ACMSD: variants seen among roughly 807,000 people sequenced by gnomAD.
ACMSD encodes aminocarboxymuconate semialdehyde decarboxylase, also known as 2-amino-3-carboxymuconate-6-semialdehyde decarboxylase.
A neutral mutation model predicts 45.9 loss-of-function variants in ACMSD; 37 were observed. The observed-to-expected ratio is 0.81, with a 90% CI of 0.62 to 1.06. ACMSD has a LOEUF of 1.06. Ranked by LOEUF, ACMSD falls within the 50% of genes least tolerant of loss-of-function variation. The pLI is 0.00. For synonymous variants in ACMSD, 138 were observed against 148.8 expected, an observed-to-expected ratio of 0.93 and a Z score of 0.53; for missense variants, 434 against 420.9, an observed-to-expected ratio of 1.03 and a Z score of -0.27.
intron 8 of ACMSD, among the ~76,000 whole-genome samples, chr2:134,897,923 TTA>T (rs1333129426): frequency 6.6e-6 from 1 of 151,216 alleles, no homozygotes; most frequent in East Asian, 1.9e-4. Flanking sequence ...TATTTGTTTT[TTA>T]TGTTTCCTTT....
At position 134,895,868 on chromosome 2, in the gene ACMSD, G is replaced by C. The variant is rs927559079; in HGVS notation, c.850-2473G>C. Among the ~76,000 whole-genome samples the C allele has an allele frequency of 2.6e-5, 4 of 152,056 alleles. No homozygotes were observed. In the East Asian group the frequency reaches 5.8e-4, roughly 22 times the overall value. On this transcript the variant is annotated intron_variant, in intron 8 of 9. Coordinates refer to ENST00000356140, the MANE Select transcript of ACMSD (RefSeq NM_138326.3). Reference sequence around the variant, plus strand: ...AAGAGTGAAACTCCGTCTCAAAAAAGAAAATGCAAGGGATCCAGAATAGCC... The same window carrying C: ...AAGAGTGAAACTCCGTCTCAAAAAACAAAATGCAAGGGATCCAGAATAGCC...
At chr2:134,880,576 T>C (rs909704935) in intron 8 of ACMSD, among the ~76,000 whole-genome samples, 1 of 152,294 alleles carries the variant, frequency 6.6e-6, no homozygotes, top group African/African-American at 2.4e-5. Context: ...CAAAAGCTTA[T>C]TATTTTTCTT....
intron 8 of ACMSD, among the ~76,000 whole-genome samples, chr2:134,894,482 C>A (rs1006150005): frequency 1.4e-4 from 21 of 151,986 alleles, no homozygotes; most frequent in East Asian, 5.8e-4. Context: ...TCAATCTTCC[C>A]ACAAAGAAAA....
chr2:134,859,362 G>C lies in ACMSD; in HGVS notation c.199+5G>C. 3 of 1,612,838 alleles carry C rather than the reference G, an allele frequency of 1.9e-6. No individual in the cohort carries two copies. Among genetic ancestry groups the C allele is most frequent in the Non-Finnish European group, 2.5e-6 (3 of 1,178,954 alleles). ...TTAGAGAAATGGACCAAAAAGGTAC[G>C]ATGAGAAGTGCTACCAATGTTAGCA... On this transcript the variant is annotated splice_donor_5th_base_variant and intron_variant, in intron 3 of 9. Transcript: ENST00000356140.
At chr2:134,868,451 C>CTTTTTTTTTTTT (rs1170969126) in intron 6 of ACMSD, among the ~76,000 whole-genome samples, 1 of 124,210 alleles carries the variant, frequency 8.1e-6, no homozygotes, top group African/African-American at 3.1e-5. Flanking sequence ...ATATTTTTTT[C>CTTTTTTTTTTTT]TTTTTTTTTT....
chr2:134,868,693 T>C (rs959014599), intron 6 of ACMSD, among the ~76,000 whole-genome samples: 2 of 152,100 alleles, frequency 1.3e-5, no homozygotes, highest in South Asian at 2.1e-4. Flanking sequence ...CCTCAAGTGA[T>C]CCACCCACCT....
intron 8 of ACMSD, among the ~76,000 whole-genome samples, chr2:134,890,258 T>A (rs1267729180): frequency 6.6e-6 from 1 of 152,084 alleles, no homozygotes; most frequent in African/African-American, 2.4e-5. Context: ...TGAATAAGAC[T>A]CAATATCACT....
intron 4 of ACMSD, chr2:134,862,831 A>G: frequency 3.1e-6 from 1 of 326,496 alleles, no homozygotes; most frequent in Non-Finnish European, 4.4e-6. Context: ...GAGGAAAGTA[A>G]ACAGTGAAGA....
chr2:134,885,429 A>AT (rs1183772151), intron 8 of ACMSD, among the ~76,000 whole-genome samples: 6 of 122,634 alleles, frequency 4.9e-5, no homozygotes, highest in African/African-American at 1.9e-4. Flanking sequence ...GTAAATATAT[A>AT]TAATATATAA....
At chr2:134,867,428 T>C (rs2104869468) in intron 5 of ACMSD, 151 bp from the exon 6 acceptor site, 1 of 550,082 alleles carries the variant, frequency 1.8e-6, no homozygotes, top group East Asian at 3.0e-5. Flanking sequence ...ATATCTCTTC[T>C]ATATAGATCA....
At chr2:134,878,954 T>C (rs997161672) in intron 8 of ACMSD, among the ~76,000 whole-genome samples, 3 of 152,184 alleles carry the variant, frequency 2.0e-5, no homozygotes, top group Non-Finnish European at 2.9e-5. Flanking sequence ...AGCCTTAAGC[T>C]TCTGAGAAGC....
chr2:134,863,456 T>C lies in ACMSD; in HGVS notation c.311T>C (p.Val104Ala), dbSNP rs1687938462. The change falls in exon 5 of 10, where the codon GTT becomes GCT. Residue 104 changes from valine (V) to alanine (A), a missense_variant. Coordinates refer to ENST00000356140, the MANE Select transcript of ACMSD (RefSeq NM_138326.3). ...QLLNNDLAST[V>A]VSYPRRFVGL... ...TTAAACAACGACCTTGCCAGCACCG[T>C]TGTGAGCTACCCCAGGAGGTTCGTG... The C allele has an allele frequency of 1.9e-6, 3 of 1,614,094 alleles. No individual in the cohort carries two copies. Among genetic ancestry groups the C allele is most frequent in the Non-Finnish European group, 2.5e-6 (3 of 1,180,044 alleles).
intron 8 of ACMSD, among the ~76,000 whole-genome samples, chr2:134,883,050 C>A (rs1307928110): frequency 6.6e-6 from 1 of 152,188 alleles, no homozygotes; most frequent in African/African-American, 2.4e-5. Flanking sequence ...GGAAAGCCAG[C>A]ACCTGTCCAG....
At chr2:134,883,559 T>C (rs534291427) in intron 8 of ACMSD, among the ~76,000 whole-genome samples, 47 of 152,300 alleles carry the variant, frequency 3.1e-4, no homozygotes, top group African/African-American at 1.1e-3. Flanking sequence ...TGGGGTACAA[T>C]GGTGCGATCA....
chr2:134,865,994 A>G (rs1348994110), intron 5 of ACMSD, among the ~76,000 whole-genome samples: 1 of 152,234 alleles, frequency 6.6e-6, no homozygotes, highest in Non-Finnish European at 1.5e-5. Context: ...AAATTCTTAT[A>G]ACAGCTTGGG....
intron 1 of ACMSD, among the ~76,000 whole-genome samples, chr2:134,840,929 C>G (rs2197580): frequency 6.6e-6 from 1 of 152,100 alleles, no homozygotes; most frequent in Non-Finnish European, 1.5e-5. Flanking sequence ...ACCCTTTCCC[C>G]GAGTCCCCAA....
chr2:134,900,205 A>C (rs1376736445), intron 9 of ACMSD, among the ~76,000 whole-genome samples: 1 of 152,190 alleles, frequency 6.6e-6, no homozygotes, highest in African/African-American at 2.4e-5. Flanking sequence ...CCACAGTCCA[A>C]AAATATTAAA....
chr2:134,846,767 T>C (rs1158366545), intron 2 of ACMSD, among the ~76,000 whole-genome samples: 1 of 152,148 alleles, frequency 6.6e-6, no homozygotes, highest in Non-Finnish European at 1.5e-5. Flanking sequence ...CCCACCAACC[T>C]AGACACTGAG....
chr2:134,863,569 C>A lies in ACMSD; in HGVS notation c.424C>A (p.Gln142Lys). The change falls in exon 5 of 10, where the codon CAA becomes AAA. Residue 142 changes from glutamine (Q) to lysine (K), a missense_variant. Gln to Lys is a moderately conservative substitution (Grantham distance 53). Transcript: ENST00000356140. Reference protein sequence around the residue: ...CVKELGFPGVQIGTHVNEWDL... With the variant: ...CVKELGFPGVKIGTHVNEWDL... ...GAAAGAGCTGGGCTTTCCCGGGGTC[C>A]AAATTGGCACCCACGTCAACGAGTG... 6.2e-7 allele frequency: 1 copy of A among 1,614,176 alleles called. No homozygotes were observed. The highest frequency in any genetic ancestry group is 8.5e-7 in the Non-Finnish European group (1 of 1,179,988).
Sources: gnomAD v4.1 joint callset for allele counts (sites outside exome capture counted in the v4.1 genomes callset) on GRCh38, gnomAD v4.1.1 for gene constraint, MANE v1.5 for transcripts, NCBI Gene and HGNC (gene_info 2026-07-23, HGNC 2026-07-21) for gene names.